Variants in PCYT1B observed in about 807,000 individuals in gnomAD.
PCYT1B encodes choline-phosphate cytidylyltransferase B.
Under a neutral mutation model 26.4 loss-of-function variants are expected in PCYT1B, and 10 were observed. The ratio of observed to expected loss-of-function variants is 0.38; its 90% CI spans 0.23 to 0.64. The LOEUF is 0.64. PCYT1B is among the 30% of genes least tolerant of loss of function. PCYT1B has a pLI of 0.56. For missense variants in PCYT1B, 161 were observed against 292.7 expected (o/e 0.55, Z 3.28); for synonymous variants, 131 against 108.4 (o/e 1.21, Z -1.29).
Position 24,559,002 on chromosome X carries a change from G to A in PCYT1B, c.*3291C>T, listed in dbSNP as rs759564017. The A allele has an allele frequency of 4.5e-5, 5 of 112,036 alleles. No homozygotes were observed. In the South Asian group the frequency reaches 1.5e-3, roughly 33 times the overall value. 9.2% of individuals were successfully genotyped at this position (112,036 alleles called of 1,213,427 possible). On this transcript the variant is annotated 3_prime_UTR_variant, in exon 8 of 8. Coordinates refer to ENST00000379144, the MANE Select transcript of PCYT1B (RefSeq NM_004845.5). ...ACCCTTCCCTCTTCACCTGTCAGGGGGTGAGTTAACACTTGAAAGGGAGCG... is the reference window on the plus strand; with the variant it reads ...ACCCTTCCCTCTTCACCTGTCAGGGAGTGAGTTAACACTTGAAAGGGAGCG...
chrX:24,666,936 A>G (rs1383765953), intron 1 of PCYT1B, among the ~76,000 whole-genome samples: 1 of 109,866 alleles, frequency 9.1e-6, no homozygotes, highest in African/African-American at 3.3e-5. Flanking sequence ...AGATTTCACA[A>G]GAGACACTCA....
chrX:24,575,148 A>G lies in PCYT1B; in HGVS notation c.879T>C (p.Phe293=), dbSNP rs370231319. The change falls in exon 7 of 8, where the codon TTT becomes TTC. Residue 293 remains phenylalanine (F), a synonymous_variant. Transcript: ENST00000379144. ...TACATACCCATGCTCCATCAGGTCC[A>G]AACAGTTCTAGGAAGTTGCCAATGA... ...REFIGNFLEL[F]GPDGAWKQMF... The G allele has an allele frequency of 3.9e-5, 47 of 1,199,370 alleles. No homozygotes were observed. The highest frequency in any genetic ancestry group is 5.2e-5 in the Non-Finnish European group (46 of 890,507).
chrX:24,655,059 G>A (rs755277230), intron 1 of PCYT1B, among the ~76,000 whole-genome samples: 5 of 111,606 alleles, frequency 4.5e-5, no homozygotes, highest in South Asian at 3.7e-4. Flanking sequence ...AGTAGAAAGC[G>A]TTTCACCCCT....
At chrX:24,660,216 G>C (rs1238221873) in intron 1 of PCYT1B, among the ~76,000 whole-genome samples, 1 of 111,971 alleles carries the variant, frequency 8.9e-6, no homozygotes, top group East Asian at 2.8e-4. Context: ...AAACTATTTG[G>C]CTCTCAAATA....
intron 1 of PCYT1B, among the ~76,000 whole-genome samples, chrX:24,629,328 G>A (rs1487571645): frequency 1.8e-5 from 2 of 109,364 alleles, no homozygotes; most frequent in African/African-American, 6.6e-5. Flanking sequence ...CTCGTTGGGA[G>A]GCAGAGGCAG....
At chrX:24,668,465 A>G (rs765112513) in intron 1 of PCYT1B, among the ~76,000 whole-genome samples, 1 of 111,521 alleles carries the variant, frequency 9.0e-6, no homozygotes, top group Non-Finnish European at 1.9e-5. Context: ...GTCCACTTCA[A>G]TAAATGGTCT....
rs61760951 is a variant in PCYT1B at position 24,607,866 on chromosome X, G to A, written c.218-5C>T. On this transcript the variant is annotated splice_region_variant and splice_polypyrimidine_tract_variant and intron_variant, in intron 2 of 7. Coordinates refer to ENST00000379144, the MANE Select transcript of PCYT1B (RefSeq NM_004845.5). ...ATACTCTGACAGGCCTGTCAGCTGTGGGAGAAAGAAAACACTGTTAACAGA... is the reference window on the plus strand; with the variant it reads ...ATACTCTGACAGGCCTGTCAGCTGTAGGAGAAAGAAAACACTGTTAACAGA... The A allele has an allele frequency of 6.8e-4, 712 of 1,044,810 alleles. 6 individuals are homozygous for A. In the African/African-American group the frequency reaches 0.011, roughly 16 times the overall value. 86.1% of individuals were successfully genotyped at this position (1,044,810 alleles called of 1,213,427 possible). A position where few individuals can be genotyped will look rare whatever the true frequency, so the allele number is the denominator to read the frequency against.
chrX:24,615,917 C>T lies in PCYT1B; in HGVS notation c.217+3068G>A, dbSNP rs1317021094. ...TCATAAGGCAGATCGTTGCAGTAGG[C>T]AAAGCAGGGGTTTGAGGCAAAATGG... On this transcript the variant is annotated intron_variant, in intron 2 of 7. Transcript: ENST00000379144. 6.3e-5 allele frequency among the ~76,000 whole-genome samples: 7 copies of T among 111,420 alleles called. No individual in the cohort carries two copies. In the South Asian group the frequency reaches 2.3e-3, roughly 36 times the overall value.
At chrX:24,599,491 T>C (rs1335191743) in intron 3 of PCYT1B, among the ~76,000 whole-genome samples, 1 of 112,016 alleles carries the variant, frequency 8.9e-6, no homozygotes, top group Non-Finnish European at 1.9e-5. Flanking sequence ...CAGTCAGTTA[T>C]ATTCATCCAT....
chrX:24,625,467 G>A (rs745641496), intron 1 of PCYT1B, among the ~76,000 whole-genome samples: 1 of 110,270 alleles, frequency 9.1e-6, no homozygotes, highest in Non-Finnish European at 1.9e-5. Flanking sequence ...TGATTATGTA[G>A]ACTCTTAAAT....
At chrX:24,596,649 T>C (rs1328527308) in intron 3 of PCYT1B, among the ~76,000 whole-genome samples, 1 of 109,685 alleles carries the variant, frequency 9.1e-6, no homozygotes, top group African/African-American at 3.3e-5. Flanking sequence ...ATGACGATTG[T>C]GGTGCCTTTT....
At chrX:24,606,885 CAA>C (rs1010203140) in intron 3 of PCYT1B, among the ~76,000 whole-genome samples, 6 of 100,009 alleles carry the variant, frequency 6.0e-5, no homozygotes, top group African/African-American at 2.1e-4. Flanking sequence ...AACAAACAAA[CAA>C]AGTGGTTTTT....
intron 1 of PCYT1B, among the ~76,000 whole-genome samples, chrX:24,634,355 A>G (rs1926205608): frequency 1.8e-5 from 2 of 112,481 alleles, no homozygotes; most frequent in African/African-American, 6.5e-5. Flanking sequence ...AGCTTATTGC[A>G]ATATACTGCA....
At chrX:24,643,585 GC>G (rs1780379584) in intron 1 of PCYT1B, among the ~76,000 whole-genome samples, 1 of 111,872 alleles carries the variant, frequency 8.9e-6, no homozygotes, top group Non-Finnish European at 1.9e-5. Context: ...CAGAGTTACT[GC>G]ATTCTATTTA....
In PCYT1B at chrX:24,587,339, G is replaced by C; in HGVS notation, c.487-20C>G. On this transcript the variant is annotated intron_variant, in intron 4 of 7. Transcript: ENST00000379144. ...GTCAATCTGTTGAAGAGAGAGAAGA[G>C]TGATGTCACCACTGGGATGGATGTG... is the stretch of plus-strand genomic sequence containing the variant. 1 of 1,068,047 alleles carries C rather than the reference G, an allele frequency of 9.4e-7. No homozygotes were observed. Among genetic ancestry groups the C allele is most frequent in the Non-Finnish European group, 1.3e-6 (1 of 764,805 alleles). 88.0% of individuals were successfully genotyped at this position (1,068,047 alleles called of 1,213,427 possible). A position where few individuals can be genotyped will look rare whatever the true frequency, so the allele number is the denominator to read the frequency against.
At chrX:24,647,383 A>G (rs1427409382), upstream of PCYT1B, 1 of 653,565 alleles carries the variant, frequency 1.5e-6, no homozygotes, top group Non-Finnish European at 2.0e-6. Context: ...TCTCATTTGC[A>G]TAGAGCGCGC....
Position 24,559,824 on chromosome X carries a change from C to T in PCYT1B, c.*2469G>A, listed in dbSNP as rs1923340034. ...GGGGCTGGGAGAGACTGAGAGATGG[C>T]CAAAAAGTATCAAAAGTTGGGTTGT... is the stretch of plus-strand genomic sequence containing the variant. On this transcript the variant is annotated 3_prime_UTR_variant, in exon 8 of 8. Coordinates refer to ENST00000379144, the MANE Select transcript of PCYT1B (RefSeq NM_004845.5). 1 of 111,343 alleles carries T rather than the reference C, an allele frequency of 9.0e-6. No homozygotes were observed. The highest frequency in any genetic ancestry group is 3.8e-4 in the South Asian group (1 of 2,634). The allele number at this position is 111,343 out of a possible 1,213,427, so 9.2% of individuals were successfully genotyped here.
chrX:24,664,994 G>T (rs1486597249), intron 1 of PCYT1B, among the ~76,000 whole-genome samples: 1 of 111,390 alleles, frequency 9.0e-6, no homozygotes, highest in East Asian at 2.8e-4. Flanking sequence ...GTTGAATTAG[G>T]TAAGGGCAAG....
intron 7 of PCYT1B, among the ~76,000 whole-genome samples, chrX:24,570,063 T>C (rs1222208140): frequency 9.4e-6 from 1 of 106,534 alleles, no homozygotes; most frequent in Non-Finnish European, 1.9e-5. Context: ...GGCGCACGCC[T>C]GTAATTCCAG....
Sources: gnomAD v4.1 joint callset for allele counts (sites outside exome capture counted in the v4.1 genomes callset) on GRCh38, gnomAD v4.1.1 for gene constraint, MANE v1.5 for transcripts, NCBI Gene and HGNC (gene_info 2026-07-23, HGNC 2026-07-21) for gene names.